TNNI3K: variants seen among roughly 807,000 people sequenced by gnomAD.
TNNI3K encodes the protein TNNI3 interacting kinase.
A neutral mutation model predicts 114.5 loss-of-function variants in TNNI3K; 140 were observed. The ratio of observed to expected loss-of-function variants is 1.22; its 90% CI spans 1.07 to 1.41. The LOEUF is 1.41. Among genes scored for constraint, TNNI3K ranks in the 40% most tolerant of loss-of-function variants. TNNI3K has a pLI of 0.00. For synonymous variants in TNNI3K, 347 were observed against 347.5 expected (o/e 1.00, Z 0.02); for missense variants, 1,125 against 1,007.6 (o/e 1.12, Z -1.58).
intron 17 of TNNI3K, chr1:74,378,949 A>G (rs1301063973): frequency 6.6e-6 from 1 of 152,002 alleles, no homozygotes; most frequent in Non-Finnish European, 1.5e-5. Flanking sequence ...CAGTTATACA[A>G]ATATAATGTT....
At chr1:74,309,264 A>T (rs1658836761) in intron 5 of TNNI3K, among the ~76,000 whole-genome samples, 1 of 144,644 alleles carries the variant, frequency 6.9e-6, no homozygotes, top group South Asian at 2.4e-4. Flanking sequence ...GCTACTCGGG[A>T]GGCTGAGGCA....
At chr1:74,501,504 GT>G (rs1182593208) in intron 23 of TNNI3K, among the ~76,000 whole-genome samples, 2 of 148,828 alleles carry the variant, frequency 1.3e-5, no homozygotes, top group Non-Finnish European at 2.9e-5. Flanking sequence ...TTGTTTGTTT[GT>G]TTTTTGAGAC....
At chr1:74,345,472 A>C (rs946178326) in intron 9 of TNNI3K, among the ~76,000 whole-genome samples, 2 of 152,222 alleles carry the variant, frequency 1.3e-5, no homozygotes, top group Admixed American at 1.3e-4. Flanking sequence ...TTGGTTCATT[A>C]GAATACTTCA....
chr1:74,505,342 G>T (rs973798518), intron 23 of TNNI3K, among the ~76,000 whole-genome samples: 4 of 152,106 alleles, frequency 2.6e-5, no homozygotes, highest in African/African-American at 7.2e-5. Flanking sequence ...CTCTGGCCTC[G>T]CCCTGCTCCC....
chr1:74,416,710 A>AT (rs1397376749), intron 17 of TNNI3K, among the ~76,000 whole-genome samples: 1 of 151,970 alleles, frequency 6.6e-6, no homozygotes, highest in Non-Finnish European at 1.5e-5. Context: ...TTCAAGAATA[A>AT]TTTTTGCCCG....
intron 17 of TNNI3K, among the ~76,000 whole-genome samples, chr1:74,380,658 C>T (rs923109250): frequency 1.1e-4 from 17 of 152,136 alleles, no homozygotes; most frequent in African/African-American, 3.9e-4. Context: ...ATAAAGTTGG[C>T]TTTTGAAAAT....
At chr1:74,416,563 C>T (rs1665124212) in intron 17 of TNNI3K, 1 of 985,040 alleles carries the variant, frequency 1.0e-6, no homozygotes, top group Non-Finnish European at 1.2e-6. Context: ...CTTTGCATTC[C>T]CCTGATAAAA....
intron 5 of TNNI3K, among the ~76,000 whole-genome samples, chr1:74,296,137 G>T (rs1401041730): frequency 6.6e-6 from 1 of 151,962 alleles, no homozygotes; most frequent in Non-Finnish European, 1.5e-5. Context: ...TTAGCCGGGC[G>T]AGGCGGCGGG....
At chr1:74,248,495 T>G (rs1304437715) in intron 2 of TNNI3K, among the ~76,000 whole-genome samples, 1 of 152,222 alleles carries the variant, frequency 6.6e-6, no homozygotes, top group African/African-American at 2.4e-5. Flanking sequence ...GATTAAGCGC[T>G]TACTACAGTA....
chr1:74,395,190 C>T (rs1319974238), intron 17 of TNNI3K, among the ~76,000 whole-genome samples: 1 of 152,130 alleles, frequency 6.6e-6, no homozygotes, highest in Admixed American at 6.5e-5. Flanking sequence ...CTTGTTGTAA[C>T]CATGCTGGGG....
chr1:74,521,311 A>G (rs900422329), intron 23 of TNNI3K, among the ~76,000 whole-genome samples: 3 of 152,174 alleles, frequency 2.0e-5, no homozygotes, highest in African/African-American at 7.2e-5. Flanking sequence ...TCTATAAAAC[A>G]GGCATAATAA....
At chr1:74,260,071 T>C (rs912065559) in intron 4 of TNNI3K, among the ~76,000 whole-genome samples, 1 of 152,238 alleles carries the variant, frequency 6.6e-6, no homozygotes, top group African/African-American at 2.4e-5. Flanking sequence ...TTTCTTTTCC[T>C]GATGCAAAAT....
intron 17 of TNNI3K, among the ~76,000 whole-genome samples, chr1:74,397,018 G>A (rs1365810306): frequency 2.0e-5 from 3 of 152,194 alleles, no homozygotes; most frequent in African/African-American, 7.2e-5. Context: ...GTGTTAAGCT[G>A]CTGACCCTGA....
intron 21 of TNNI3K, chr1:74,472,071 G>T (rs930291510): frequency 2.8e-6 from 2 of 716,808 alleles, no homozygotes; most frequent in African/African-American, 3.5e-5. Flanking sequence ...GCCTATGAGG[G>T]TGTAAGCCAT....
At position 74,236,087 on chromosome 1, in the gene TNNI3K, G is replaced by C. The variant is rs756240367; in HGVS notation, c.41-15G>C. 9.4e-6 allele frequency: 15 copies of C among 1,595,696 alleles called. No individual in the cohort carries two copies. Among genetic ancestry groups the C allele is most frequent in the South Asian group, 2.2e-5 (2 of 89,204 alleles). On this transcript the variant is annotated splice_polypyrimidine_tract_variant and intron_variant, in intron 1 of 24. Transcript: ENST00000326637. ...ACACAACTATGAATCAATCTCATTT[G>C]TTCTTCTTTACTAGATGAATGGAAG...
chr1:74,330,998 T>C (rs1408960820), intron 5 of TNNI3K, among the ~76,000 whole-genome samples: 1 of 152,098 alleles, frequency 6.6e-6, no homozygotes, highest in Non-Finnish European at 1.5e-5. Flanking sequence ...TATGAGAAGG[T>C]AACATTTAAT....
chr1:74,496,702 A>C (rs1215876911), intron 23 of TNNI3K, among the ~76,000 whole-genome samples: 2 of 152,146 alleles, frequency 1.3e-5, no homozygotes, highest in Admixed American at 6.6e-5. Context: ...ATTCCTATCA[A>C]AACCATAACT....
At chr1:74,498,714 A>G (rs1444420841) in intron 23 of TNNI3K, among the ~76,000 whole-genome samples, 1 of 152,124 alleles carries the variant, frequency 6.6e-6, no homozygotes, top group African/African-American at 2.4e-5. Flanking sequence ...ATATTCCACT[A>G]CTTTTCCAGT....
chr1:74,305,880 A>ATTT (rs1428441801), intron 5 of TNNI3K, among the ~76,000 whole-genome samples: 1 of 152,026 alleles, frequency 6.6e-6, no homozygotes, highest in Non-Finnish European at 1.5e-5. Context: ...TCTTCTTACT[A>ATTT]TTTTTAAAAT....
Sources: gnomAD v4.1 joint callset for allele counts (sites outside exome capture counted in the v4.1 genomes callset) on GRCh38, gnomAD v4.1.1 for gene constraint, MANE v1.5 for transcripts, NCBI Gene and HGNC (gene_info 2026-07-23, HGNC 2026-07-21) for gene names.